The following VWC2 variants were observed in gnomAD, a reference collection of about 807,000 sequenced individuals.
VWC2 encodes the protein von Willebrand factor C domain containing 2.
A neutral mutation model predicts 29.8 loss-of-function variants in VWC2; 14 were observed. The observed-to-expected ratio is 0.47, with a 90% CI of 0.31 to 0.74. The LOEUF (loss-of-function observed/expected upper bound fraction) is 0.74. VWC2 is among the 30% of genes least tolerant of loss of function. The pLI, the probability that VWC2 is intolerant of heterozygous loss-of-function variation, is 0.05. For synonymous variants in VWC2, 213 were observed against 199.0 expected, an observed-to-expected ratio of 1.07 and a Z score of -0.59; for missense variants, 457 against 459.8, an observed-to-expected ratio of 0.99 and a Z score of 0.05.
intron 3 of VWC2, among the ~76,000 whole-genome samples, chr7:49,822,862 G>A (rs1789294642): frequency 6.6e-6 from 1 of 152,084 alleles, no homozygotes; most frequent in South Asian, 2.1e-4. Flanking sequence ...TTTTACTGTT[G>A]AGCAGTGCTC....
rs71018432 is a variant in VWC2, at chr7:49,875,369, CAAAAA to C, written c.827-36641_827-36637del. ...TGGGTAACAGAGTGAGATTCTGACT[CAAAAA>C]AAAAAAAAAAAAAAAAAAAAAAACA... On this transcript the variant is annotated intron_variant, in intron 3 of 3. Transcript: ENST00000340652. 1.0e-3 allele frequency among the ~76,000 whole-genome samples: 19 copies of C among 19,012 alleles called. 1 individual carries two copies. The highest frequency in any genetic ancestry group is 2.5e-3 in the African/African-American group (11 of 4,456). The allele number at this position is 19,012 out of a possible 152,430, so 12.5% of individuals were successfully genotyped here.
intron 3 of VWC2, among the ~76,000 whole-genome samples, chr7:49,851,023 C>T (rs898360243): frequency 2.0e-5 from 3 of 152,160 alleles, no homozygotes. Context: ...ATTCTGCAGG[C>T]CAGAAGTCTA....
intron 3 of VWC2, among the ~76,000 whole-genome samples, chr7:49,839,345 G>A (rs748938657): frequency 1.4e-4 from 21 of 152,198 alleles, no homozygotes; most frequent in Non-Finnish European, 2.6e-4. Flanking sequence ...CAGCAATGGG[G>A]ATAACTTACA....
chr7:49,828,349 A>G (rs11768120), intron 3 of VWC2, among the ~76,000 whole-genome samples: 28,986 of 152,174 alleles, frequency 0.19, 3,501 homozygotes, highest in Non-Finnish European at 0.28. Flanking sequence ...ATTTTTGTGG[A>G]CATACACTTC....
chr7:49,871,800 T>C (rs1791158102), intron 3 of VWC2, among the ~76,000 whole-genome samples: 1 of 150,566 alleles, frequency 6.6e-6, no homozygotes, highest in Non-Finnish European at 1.5e-5. Context: ...TGTAATTACA[T>C]TTAAGGGAAA....
chr7:49,806,229 G>A lies in VWC2; in HGVS notation c.826+3389G>A, dbSNP rs184008732. Among the ~76,000 whole-genome samples the A allele has an allele frequency of 5.3e-5, 8 of 152,306 alleles. No individual in the cohort carries two copies. The East Asian group carries it at 1.5e-3, about 29-fold the overall frequency. On this transcript the variant is annotated intron_variant, in intron 3 of 3. Transcript: ENST00000340652. ...TAGACATGCTTGTCTGCATTAAGTA[G>A]GCACTAGGCTCCCATTAGCGATCAG...
chr7:49,874,439 C>T (rs552667290), intron 3 of VWC2, among the ~76,000 whole-genome samples: 1 of 151,964 alleles, frequency 6.6e-6, no homozygotes, highest in South Asian at 2.1e-4. Flanking sequence ...GAAGGCTGTA[C>T]TATCTAGGTC....
chr7:49,785,649 A>T (rs1430478767), intron 2 of VWC2, among the ~76,000 whole-genome samples: 1 of 152,246 alleles, frequency 6.6e-6, no homozygotes, highest in Non-Finnish European at 1.5e-5. Flanking sequence ...AAGACATTAC[A>T]TCCAGAATAA....
At chr7:49,845,651 A>G (rs1789923585) in intron 3 of VWC2, among the ~76,000 whole-genome samples, 1 of 151,266 alleles carries the variant, frequency 6.6e-6, no homozygotes, top group Non-Finnish European at 1.5e-5. Context: ...ACTTTAAAAT[A>G]CCAACCTTCG....
At chr7:49,892,166 T>C (rs1276913728) in intron 3 of VWC2, among the ~76,000 whole-genome samples, 3 of 140,368 alleles carry the variant, frequency 2.1e-5, no homozygotes, top group African/African-American at 7.9e-5. Flanking sequence ...TGCCTCAGCC[T>C]CCCGAGTAGC....
At chr7:49,854,159 G>C (rs1372487308) in intron 3 of VWC2, among the ~76,000 whole-genome samples, 6 of 152,094 alleles carry the variant, frequency 3.9e-5, no homozygotes, top group Non-Finnish European at 7.3e-5. Flanking sequence ...ATTGTGAATA[G>C]TGCCGCAATA....
At chr7:49,877,032 C>T (rs777094693) in intron 3 of VWC2, among the ~76,000 whole-genome samples, 11 of 152,068 alleles carry the variant, frequency 7.2e-5, no homozygotes, top group Non-Finnish European at 1.0e-4. Context: ...TCTACTTGAC[C>T]GTCAGTCTCC....
intron 2 of VWC2, among the ~76,000 whole-genome samples, chr7:49,789,701 A>C (rs1196792914): frequency 2.0e-5 from 3 of 152,246 alleles, no homozygotes; most frequent in East Asian, 3.8e-4. Context: ...AAAGAAGAGA[A>C]TATCTTTCAA....
chr7:49,801,954 G>A (rs1788747818), intron 2 of VWC2, among the ~76,000 whole-genome samples: 1 of 152,140 alleles, frequency 6.6e-6, no homozygotes, highest in South Asian at 2.1e-4. Flanking sequence ...CTATTCCAGT[G>A]TCTTCGTAAC....
At chr7:49,783,325 A>G (rs68126868) in intron 2 of VWC2, among the ~76,000 whole-genome samples, 7,954 of 152,140 alleles carry the variant, frequency 0.052, 213 homozygotes, top group Middle Eastern at 0.13. Flanking sequence ...CAGGGGGTCA[A>G]GGGGGCACAC....
chr7:49,803,436 G>A (rs189252292), intron 3 of VWC2, among the ~76,000 whole-genome samples: 2 of 152,306 alleles, frequency 1.3e-5, no homozygotes, highest in Admixed American at 1.3e-4. Flanking sequence ...CTATAAGACG[G>A]TTTTTGACAA....
intron 3 of VWC2, among the ~76,000 whole-genome samples, chr7:49,830,962 AG>A (rs1789512770): frequency 2.0e-5 from 3 of 152,176 alleles, no homozygotes; most frequent in Admixed American, 2.0e-4. Context: ...TATTGTGAAT[AG>A]TGCCGCACTA....
intron 2 of VWC2, among the ~76,000 whole-genome samples, chr7:49,785,971 G>T (rs1788285399): frequency 6.6e-6 from 1 of 152,162 alleles, no homozygotes; most frequent in Non-Finnish European, 1.5e-5. Context: ...TACACCAGTG[G>T]AGCTCAGCTG....
At chr7:49,886,414 AT>A (rs1264434161) in intron 3 of VWC2, among the ~76,000 whole-genome samples, 1 of 152,210 alleles carries the variant, frequency 6.6e-6, no homozygotes, top group East Asian at 1.9e-4. Context: ...GTAATTAAAA[AT>A]GATATGATTA....
Sources: allele counts gnomAD v4.1 joint callset (sites outside exome capture counted in the v4.1 genomes callset), GRCh38; gene constraint gnomAD v4.1.1; transcripts MANE v1.5; gene names NCBI Gene and HGNC (gene_info 2026-07-23, HGNC 2026-07-21).